The following EVA1C variants were observed in gnomAD, a reference collection of about 807,000 sequenced individuals.
EVA1C encodes the protein eva-1 homolog C, also known as protein eva-1 homolog C.
EVA1C carries 25 observed loss-of-function variants against 45.4 expected under a neutral mutation model. That is an observed-to-expected ratio of 0.55 (90% CI 0.40 to 0.77). The LOEUF (loss-of-function observed/expected upper bound fraction) is 0.77, where lower values mean the gene tolerates loss of function less well. EVA1C is among the 30% of genes least tolerant of loss of function. EVA1C has a pLI of 0.00. For missense variants in EVA1C, 479 were observed against 554.8 expected (o/e 0.86, Z 1.37); for synonymous variants, 190 against 221.2 (o/e 0.86, Z 1.25).
intron 1 of EVA1C, among the ~76,000 whole-genome samples, chr21:32,445,265 A>G (rs569393192): frequency 1.3e-5 from 2 of 152,352 alleles, no homozygotes; most frequent in African/African-American, 2.4e-5. Context: ...GCAATCAGAT[A>G]TACATTTGCC....
At chr21:32,439,460 C>T (rs2035093460) in intron 1 of EVA1C, among the ~76,000 whole-genome samples, 1 of 152,150 alleles carries the variant, frequency 6.6e-6, no homozygotes, top group African/African-American at 2.4e-5. Flanking sequence ...GCCCGTATTT[C>T]TTTACATTTG....
At chr21:32,477,443 G>T (rs1339168442) in intron 4 of EVA1C, among the ~76,000 whole-genome samples, 1 of 152,142 alleles carries the variant, frequency 6.6e-6, no homozygotes, top group East Asian at 1.9e-4. Context: ...CAGGAATTCA[G>T]GGATAGTGTA....
At chr21:32,501,649 G>A in intron 6 of EVA1C, 154 bp downstream of exon 6, 1 of 827,628 alleles carries the variant, frequency 1.2e-6, no homozygotes, top group South Asian at 2.4e-5. Context: ...CTTATTATCG[G>A]CCAATAGTTG....
chr21:32,473,728 C>T (rs1018223323), intron 4 of EVA1C, among the ~76,000 whole-genome samples: 16 of 152,272 alleles, frequency 1.1e-4, no homozygotes, highest in African/African-American at 3.6e-4. Context: ...GACAGGGTCT[C>T]GCTCTGTCAT....
At chr21:32,509,290 A>G (rs928420280) in intron 7 of EVA1C, among the ~76,000 whole-genome samples, 7 of 152,216 alleles carry the variant, frequency 4.6e-5, no homozygotes, top group African/African-American at 1.4e-4. Flanking sequence ...CTTGCCAAGC[A>G]TTGCCCATAT....
chr21:32,423,514 C>T (rs1479104629), intron 1 of EVA1C, among the ~76,000 whole-genome samples: 4 of 152,044 alleles, frequency 2.6e-5, no homozygotes, highest in African/African-American at 9.7e-5. Context: ...GATGAGCAAT[C>T]GATTTGGCAG....
At chr21:32,514,272 C>T (rs982932370) in intron 7 of EVA1C, among the ~76,000 whole-genome samples, 1 of 152,228 alleles carries the variant, frequency 6.6e-6, no homozygotes, top group South Asian at 2.1e-4. Flanking sequence ...TTGCTAACAT[C>T]TATTATATTA....
intron 1 of EVA1C, among the ~76,000 whole-genome samples, chr21:32,430,776 T>G (rs796944035): frequency 7.6e-6 from 1 of 130,894 alleles, no homozygotes; most frequent in Non-Finnish European, 1.7e-5. Flanking sequence ...AGTTTGAGAC[T>G]AGCCTGGCCA....
chr21:32,503,690 A>G (rs2146443646), intron 6 of EVA1C, among the ~76,000 whole-genome samples: 1 of 152,284 alleles, frequency 6.6e-6, no homozygotes, highest in South Asian at 2.1e-4. Context: ...GTTGGAACCA[A>G]CACTTAAAAC....
Position 32,412,743 on chromosome 21 carries a change from G to GCTTCCTCC in EVA1C, c.-111_-110insCTTCCTCC. The GCTTCCTCC allele has an allele frequency of 8.8e-7, 1 of 1,139,706 alleles. No homozygotes were observed. The highest frequency in any genetic ancestry group is 1.1e-6 in the Non-Finnish European group (1 of 879,258). The allele number at this position is 1,139,706 out of a possible 1,614,324, so 70.6% of individuals were successfully genotyped here. A position where few individuals can be genotyped will look rare whatever the true frequency, so the allele number is the denominator to read the frequency against. ...GCAGCCTGGGCAGGGAGGCGGCGGG[G>GCTTCCTCC]GGCCGCGGAGCCGCTGGCCATCGAT... On this transcript the variant is annotated 5_prime_UTR_variant, in exon 1 of 8. Transcript: ENST00000300255.
chr21:32,492,635 C>T lies in EVA1C; in HGVS notation c.635-2392C>T, dbSNP rs556615206. Among the ~76,000 whole-genome samples, 5 of 152,232 alleles carry T rather than the reference C, an allele frequency of 3.3e-5. No homozygotes were observed. The East Asian group carries it at 7.7e-4, about 24-fold the overall frequency. ...CCTTGGCCTCTCTGGGCATGAACCCCCCACAGGCATCTCCAGATTTGAGCC... is the reference window on the plus strand; with the variant it reads ...CCTTGGCCTCTCTGGGCATGAACCCTCCACAGGCATCTCCAGATTTGAGCC... On this transcript the variant is annotated intron_variant, in intron 4 of 7. Transcript: ENST00000300255.
chr21:32,415,779 G>A (rs1046787239), intron 1 of EVA1C, among the ~76,000 whole-genome samples: 31 of 152,246 alleles, frequency 2.0e-4, no homozygotes, highest in East Asian at 1.7e-3. Context: ...GCGGCCACTG[G>A]AAGGCTATCA....
At chr21:32,514,299 A>G (rs908251713) in intron 7 of EVA1C, among the ~76,000 whole-genome samples, 22 of 152,232 alleles carry the variant, frequency 1.4e-4, no homozygotes, top group African/African-American at 4.8e-4. Flanking sequence ...AGGTTCACAT[A>G]TATACTTCGT....
chr21:32,506,850 C>G (rs1459738893), intron 7 of EVA1C, among the ~76,000 whole-genome samples: 3 of 152,192 alleles, frequency 2.0e-5, no homozygotes, highest in African/African-American at 7.2e-5. Flanking sequence ...GTCGCATCCC[C>G]GGCCCCACTG....
intron 4 of EVA1C, among the ~76,000 whole-genome samples, chr21:32,493,261 G>A (rs1348818220): frequency 6.6e-6 from 1 of 152,070 alleles, no homozygotes; most frequent in Non-Finnish European, 1.5e-5. Flanking sequence ...CTTCCAAACT[G>A]CTCTCCTTGC....
intron 1 of EVA1C, among the ~76,000 whole-genome samples, chr21:32,447,746 C>G (rs1272932035): frequency 6.6e-6 from 1 of 152,058 alleles, no homozygotes; most frequent in East Asian, 1.9e-4. Flanking sequence ...GCTCTTGTTG[C>G]CTAGCCTGGC....
chr21:32,473,821 T>C (rs9305504), intron 4 of EVA1C: 1 of 654,186 alleles, frequency 1.5e-6, no homozygotes, highest in Non-Finnish European at 1.9e-6. Flanking sequence ...CTTAGCACTG[T>C]CCTGAACGGT....
intron 1 of EVA1C, among the ~76,000 whole-genome samples, chr21:32,438,784 G>C (rs1488729970): frequency 1.3e-5 from 2 of 152,296 alleles, no homozygotes; most frequent in East Asian, 3.9e-4. Flanking sequence ...CAACTGAACC[G>C]TCCAGGAGAT....
chr21:32,459,670 C>T (rs1232912830), intron 3 of EVA1C, among the ~76,000 whole-genome samples: 6 of 151,870 alleles, frequency 4.0e-5, no homozygotes, highest in African/African-American at 7.3e-5. Context: ...GGAGAAACCC[C>T]GTCTCTACTA....
Sources: gnomAD v4.1 joint callset for allele counts (sites outside exome capture counted in the v4.1 genomes callset) on GRCh38, gnomAD v4.1.1 for gene constraint, MANE v1.5 for transcripts, NCBI Gene and HGNC (gene_info 2026-07-23, HGNC 2026-07-21) for gene names.